The following GCNT4 variants were observed in gnomAD, a reference collection of about 807,000 sequenced individuals.
GCNT4 encodes beta-1,3-galactosyl-O-glycosyl-glycoprotein beta-1,6-N-acetylglucosaminyltransferase 4.
Under a neutral mutation model 31.3 loss-of-function variants are expected in GCNT4, and 17 were observed. The ratio of observed to expected loss-of-function variants is 0.54; its 90% CI spans 0.37 to 0.81. The LOEUF (loss-of-function observed/expected upper bound fraction) is 0.81, where lower values mean the gene tolerates loss of function less well. Among genes scored for constraint, GCNT4 ranks in the 40% least tolerant of loss-of-function variants. The probability of loss-of-function intolerance (pLI) is 0.00; values close to 1 mark genes in which losing one functional copy is unlikely to be tolerated. For missense variants in GCNT4, 503 were observed against 525.5 expected, an observed-to-expected ratio of 0.96 and a Z score of 0.42; for synonymous variants, 158 against 190.6, an observed-to-expected ratio of 0.83 and a Z score of 1.41.
Position 75,029,228 on chromosome 5 carries a change from T to G in GCNT4, c.810A>C (p.Glu270Asp). 2 of 1,614,114 alleles carry G rather than the reference T, an allele frequency of 1.2e-6. No homozygotes were observed. Among genetic ancestry groups the G allele is most frequent in the Non-Finnish European group, 1.7e-6 (2 of 1,180,016 alleles). The stretch of plus-strand genomic sequence containing the variant: ...CATATTCATAAGGCACCCGTCTAAG[T>G]TCATGATGGTAAGTGAATCTTTCCA... ...SKLERFTYHHELRRVPYEYVK... is the reference protein window; with the variant it reads ...SKLERFTYHHDLRRVPYEYVK... The change falls in exon 4 of 4, where the codon GAA becomes GAC. Residue 270 changes from glutamate (E) to aspartate (D), a missense_variant. Physicochemically the swap from Glu to Asp is conservative, Grantham distance 45. Transcript: ENST00000652361.
downstream of GCNT4, among the ~76,000 whole-genome samples, chr5:75,023,184 C>T (rs994385449): frequency 2.6e-5 from 4 of 152,192 alleles, no homozygotes; most frequent in African/African-American, 7.2e-5. Flanking sequence ...TAGCTCTTTA[C>T]TACCCATGCA....
chr5:75,032,872 GGTGTGT>G (rs60551634), intron 3 of GCNT4, among the ~76,000 whole-genome samples: 2,879 of 130,574 alleles, frequency 0.022, 94 homozygotes, highest in Admixed American at 0.074. Flanking sequence ...CCCAAATAGG[GGTGTGT>G]GTGTGTGTGT....
rs1743018514 is a variant in GCNT4 at position 75,029,595 on chromosome 5, C to T, written c.443G>A (p.Arg148Lys). ...VVHKDAIMVE[R>K]LIHAIYNQHN... Reference sequence around the variant, plus strand: ...CTGGTTGTATATAGCATGGATAAGCCTTTCAACCATAATTGCATCTTTGTG... The same window carrying T: ...CTGGTTGTATATAGCATGGATAAGCTTTTCAACCATAATTGCATCTTTGTG... Residue 148 changes from arginine (R) to lysine (K), a missense_variant, in exon 4 of 4, where the codon AGG becomes AAG. Physicochemically the swap from Arg to Lys is conservative, Grantham distance 26. Transcript: ENST00000652361. 6.2e-7 allele frequency: 1 copy of T among 1,614,028 alleles called. No homozygotes were observed. The highest frequency in any genetic ancestry group is 1.3e-5 in the African/African-American group (1 of 74,936).
rs2149948456 is a variant in GCNT4 at position 75,027,330 on chromosome 5, CATATACAATATAT to C, written c.*1333_*1345del. 1 of 44,872 alleles carries C rather than the reference CATATACAATATAT, an allele frequency of 2.2e-5. No individual in the cohort carries two copies. The highest frequency in any genetic ancestry group is 4.1e-4 in the East Asian group (1 of 2,462). The allele number at this position is 44,872 out of a possible 1,614,324, so 2.8% of individuals were successfully genotyped here. A position where few individuals can be genotyped will look rare whatever the true frequency, so the allele number is the denominator to read the frequency against. On this transcript the variant is annotated 3_prime_UTR_variant, in exon 4 of 4. Coordinates refer to ENST00000652361, the MANE Select transcript of GCNT4 (RefSeq NM_001366737.1). ...ATTATATGTATATATAATATATATT[CATATACAATATAT>C]GTATATATAATATATATATTTATAT...
intron 3 of GCNT4, among the ~76,000 whole-genome samples, chr5:75,041,021 G>A (rs1474248719): frequency 2.6e-5 from 4 of 152,216 alleles, no homozygotes; most frequent in South Asian, 4.1e-4. Context: ...CCAAGAGCAC[G>A]TGCAATCAGT....
At position 75,028,495 on chromosome 5, in the gene GCNT4, C is replaced by A; in HGVS notation, c.*181G>T. On this transcript the variant is annotated 3_prime_UTR_variant, in exon 4 of 4. Transcript: ENST00000652361. ...CAAGCAAAAACAAATATTAAAAAAA[C>A]CTAGCCAACTGCAGGCTAATAACAT... is the stretch of plus-strand genomic sequence containing the variant. The A allele has an allele frequency of 1.7e-6, 1 of 575,034 alleles. No individual in the cohort carries two copies. Among genetic ancestry groups the A allele is most frequent in the Non-Finnish European group, 2.9e-6 (1 of 341,224 alleles). 35.6% of individuals were successfully genotyped at this position (575,034 alleles called of 1,614,324 possible).
chr5:75,021,115 T>C (rs1742876011), downstream of GCNT4, among the ~76,000 whole-genome samples: 1 of 152,188 alleles, frequency 6.6e-6, no homozygotes, highest in African/African-American at 2.4e-5. Context: ...CAGGTGGAGC[T>C]GGTGTCACCA....
In GCNT4 at chr5:75,025,438, A is replaced by G. The variant is rs1742930894; in HGVS notation, c.*3238T>C. On this transcript the variant is annotated 3_prime_UTR_variant, in exon 4 of 4. Transcript: ENST00000652361. ...AAAATGAAACACCAATCTATTTAAA[A>G]CTCATGTAATGGGAACTGTATTTCA... 1 of 152,138 alleles carries G rather than the reference A, an allele frequency of 6.6e-6. No homozygotes were observed. The highest frequency in any genetic ancestry group is 2.4e-5 in the African/African-American group (1 of 41,422). The allele number at this position is 152,138 out of a possible 1,614,324, so 9.4% of individuals were successfully genotyped here.
At chr5:75,038,377 T>C (rs1369650151) in intron 3 of GCNT4, among the ~76,000 whole-genome samples, 4 of 152,242 alleles carry the variant, frequency 2.6e-5, no homozygotes, top group Non-Finnish European at 5.9e-5. Flanking sequence ...CCCATATTTC[T>C]TCTCTAAATG....
At chr5:75,048,058 C>G (rs1049877453) in intron 2 of GCNT4, 21 bp from the exon 3 acceptor site, 2 of 152,120 alleles carry the variant, frequency 1.3e-5, no homozygotes, top group African/African-American at 4.8e-5. Context: ...AAACCATGTG[C>G]AGGAGGACTT....
At chr5:75,048,347 A>T (rs1194480324) in intron 2 of GCNT4, among the ~76,000 whole-genome samples, 1 of 152,188 alleles carries the variant, frequency 6.6e-6, no homozygotes, top group Non-Finnish European at 1.5e-5. Flanking sequence ...ATTTTAACAG[A>T]GAGAAGTACA....
At chr5:75,053,414 A>C (rs1743634956), upstream of GCNT4, among the ~76,000 whole-genome samples, 1 of 151,972 alleles carries the variant, frequency 6.6e-6, no homozygotes, top group Admixed American at 6.6e-5. Context: ...AGTCGTGAGG[A>C]GCAGAGGGTC....
chr5:75,031,077 C>CTCTT (rs973866154), intron 3 of GCNT4, among the ~76,000 whole-genome samples: 8 of 148,720 alleles, frequency 5.4e-5, no homozygotes, highest in African/African-American at 2.1e-4. Context: ...AACTTTTTCT[C>CTCTT]TCTTTTTTTT....
intron 2 of GCNT4, among the ~76,000 whole-genome samples, chr5:75,051,163 C>T (rs752372684): frequency 7.2e-5 from 11 of 152,132 alleles, no homozygotes; most frequent in African/African-American, 1.4e-4. Flanking sequence ...CCCTTTCTCA[C>T]CTCTCCCCTC....
intron 2 of GCNT4, among the ~76,000 whole-genome samples, chr5:75,049,655 CAATGTT>C (rs563384123): frequency 6.6e-6 from 1 of 152,190 alleles, no homozygotes; most frequent in Non-Finnish European, 1.5e-5. Flanking sequence ...CTGTAAGCCT[CAATGTT>C]GATGTTATCT....
At chr5:75,042,420 T>C (rs953888773) in intron 3 of GCNT4, among the ~76,000 whole-genome samples, 14 of 152,232 alleles carry the variant, frequency 9.2e-5, no homozygotes, top group Admixed American at 2.0e-4. Flanking sequence ...ATTTTGGTAT[T>C]ATATGGCTAA....
chr5:75,033,084 G>A (rs1743109321), intron 3 of GCNT4, among the ~76,000 whole-genome samples: 1 of 152,136 alleles, frequency 6.6e-6, no homozygotes, highest in Non-Finnish European at 1.5e-5. Flanking sequence ...CACCACAGTG[G>A]TAAAAAGAAA....
rs1010672070 is a variant in GCNT4 at position 75,027,303 on chromosome 5, T to A, written c.*1373A>T. Reference sequence around the variant, plus strand: ...TATATAATATATATTTATATATATATAATTATATGTATATATAATATATAT... The same window carrying A: ...TATATAATATATATTTATATATATAAAATTATATGTATATATAATATATAT... On this transcript the variant is annotated 3_prime_UTR_variant, in exon 4 of 4. Coordinates refer to ENST00000652361, the MANE Select transcript of GCNT4 (RefSeq NM_001366737.1). The A allele has an allele frequency of 3.5e-5, 3 of 86,324 alleles. No individual in the cohort carries two copies. Among genetic ancestry groups the A allele is most frequent in the Non-Finnish European group, 5.9e-5 (3 of 51,206 alleles). The allele number at this position is 86,324 out of a possible 1,614,324, so 5.3% of individuals were successfully genotyped here. A position where few individuals can be genotyped will look rare whatever the true frequency, so the allele number is the denominator to read the frequency against.
chr5:75,033,078 A>G (rs1474863214), intron 3 of GCNT4, among the ~76,000 whole-genome samples: 1 of 152,236 alleles, frequency 6.6e-6, no homozygotes, highest in Non-Finnish European at 1.5e-5. Context: ...CCCTGACACC[A>G]CAGTGGTAAA....
Sources: gnomAD v4.1 joint callset for allele counts (sites outside exome capture counted in the v4.1 genomes callset) on GRCh38, gnomAD v4.1.1 for gene constraint, MANE v1.5 for transcripts, NCBI Gene and HGNC (gene_info 2026-07-23, HGNC 2026-07-21) for gene names.